The following PSMC2 variants were observed in gnomAD, a reference collection of about 807,000 sequenced individuals.
PSMC2 encodes proteasome 26S subunit, ATPase 2.
PSMC2 carries 7 observed loss-of-function variants against 53.3 expected under a neutral mutation model. The observed-to-expected ratio is 0.13, with a 90% CI of 0.07 to 0.25. The LOEUF (loss-of-function observed/expected upper bound fraction) is 0.25, where lower values mean the gene tolerates loss of function less well. Ranked by LOEUF, PSMC2 falls within the 10% of genes least tolerant of loss-of-function variation. PSMC2 has a pLI of 1.00. For synonymous variants in PSMC2, 169 were observed against 183.9 expected (o/e 0.92, Z 0.66); for missense variants, 241 against 544.0 (o/e 0.44, Z 5.54).
chr7:103,359,253 C>G (rs1032136141), intron 4 of PSMC2, among the ~76,000 whole-genome samples: 2 of 147,810 alleles, frequency 1.4e-5, no homozygotes, highest in South Asian at 4.3e-4. Context: ...CCACCTTGGC[C>G]TCCCAAAGTT....
At chr7:103,365,146 T>C (rs1192107207) in intron 8 of PSMC2, among the ~76,000 whole-genome samples, 4 of 151,894 alleles carry the variant, frequency 2.6e-5, no homozygotes, top group Non-Finnish European at 4.4e-5. Context: ...TTCCAAGTGA[T>C]AGATCAGATG....
chr7:103,352,933 C>A, intron 1 of PSMC2: 2 of 780,906 alleles, frequency 2.6e-6, no homozygotes, highest in Non-Finnish European at 4.8e-6. Context: ...AAAGCTGAAA[C>A]AAGAGGGTAG....
At chr7:103,354,414 GCT>G (rs1214891091) in intron 2 of PSMC2, among the ~76,000 whole-genome samples, 1 of 149,244 alleles carries the variant, frequency 6.7e-6, no homozygotes, top group African/African-American at 2.5e-5. Flanking sequence ...TGTCACCCAG[GCT>G]GGAGTGCAAT....
chr7:103,348,806 ACCCAATG>A, intron 1 of PSMC2: 1 of 764,968 alleles, frequency 1.3e-6, no homozygotes, highest in South Asian at 1.4e-5. Context: ...CAAGGCATCT[ACCCAATG>A]GAAAACCATG....
Position 103,368,167 on chromosome 7 carries a change from A to ATATC in PSMC2, c.*115_*118dup. ...GCTTCAAAATTGTATGCTTTTTTCC[A>ATATC]TATCTCTTCTTGTAATATAATAAAA... is the stretch of plus-strand genomic sequence containing the variant. On this transcript the variant is annotated 3_prime_UTR_variant, in exon 12 of 12. Transcript: ENST00000292644. 1.1e-6 allele frequency: 1 copy of ATATC among 911,936 alleles called. No homozygotes were observed. The highest frequency in any genetic ancestry group is 2.1e-5 in the South Asian group (1 of 48,592). The allele number at this position is 911,936 out of a possible 1,614,324, so 56.5% of individuals were successfully genotyped here.
chr7:103,356,943 T>C (rs1212050861), intron 4 of PSMC2, among the ~76,000 whole-genome samples: 2 of 152,216 alleles, frequency 1.3e-5, no homozygotes, highest in Admixed American at 6.5e-5. Flanking sequence ...TTATTTCCCA[T>C]CTACTCACCC....
At chr7:103,352,186 G>T in intron 1 of PSMC2, among the ~76,000 whole-genome samples, 1 of 107,990 alleles carries the variant, frequency 9.3e-6, no homozygotes. Flanking sequence ...ACCTAAGCAT[G>T]CTTTTTCCTA....
At chr7:103,347,853 G>C in intron 1 of PSMC2, 72 bp downstream of exon 1, 2 of 1,541,722 alleles carry the variant, frequency 1.3e-6, no homozygotes. Flanking sequence ...CTGGAGAGGA[G>C]CTGGATTCCC....
At chr7:103,360,941 G>A (rs571466818) in intron 4 of PSMC2, among the ~76,000 whole-genome samples, 3 of 151,560 alleles carry the variant, frequency 2.0e-5, no homozygotes, top group South Asian at 2.1e-4. Flanking sequence ...GTGAAACCCC[G>A]TATATATTAA....
At chr7:103,347,625 G>T (rs1040511868), upstream of PSMC2, 1 of 1,509,410 alleles carries the variant, frequency 6.6e-7, no homozygotes, top group Admixed American at 1.7e-5. Context: ...ATTTACTTCC[G>T]GTGGGGAAGG....
At chr7:103,365,620 ACT>A (rs780263654) in intron 8 of PSMC2, among the ~76,000 whole-genome samples, 4 of 148,574 alleles carry the variant, frequency 2.7e-5, no homozygotes, top group Non-Finnish European at 3.0e-5. Flanking sequence ...CAAGAGTGAA[ACT>A]CTGTCTCAAA....
At chr7:103,355,871 C>CAAT in intron 4 of PSMC2, 78 bp downstream of exon 4, 1 of 942,316 alleles carries the variant, frequency 1.1e-6, no homozygotes, top group South Asian at 1.9e-5. Flanking sequence ...AGGGATAATG[C>CAAT]AATAGTTCAT....
At chr7:103,356,919 G>A (rs1039298932) in intron 4 of PSMC2, among the ~76,000 whole-genome samples, 13 of 152,064 alleles carry the variant, frequency 8.5e-5, no homozygotes, top group African/African-American at 2.9e-4. Flanking sequence ...GTTCCTAAAA[G>A]CTAAAGATTA....
intron 1 of PSMC2, 91 bp from the exon 2 acceptor site, chr7:103,353,830 G>A: frequency 9.1e-7 from 1 of 1,096,316 alleles, no homozygotes. Flanking sequence ...AAAACAATTT[G>A]AATCGAACAG....
chr7:103,362,794 C>CAT, intron 6 of PSMC2, 36 bp downstream of exon 6: 2 of 839,780 alleles, frequency 2.4e-6, no homozygotes, highest in South Asian at 1.7e-5. Context: ...AAGGCTATGT[C>CAT]TTTTTTTTTT....
chr7:103,352,612 C>T (rs1362958499), intron 1 of PSMC2: 2 of 443,768 alleles, frequency 4.5e-6, no homozygotes, highest in South Asian at 2.2e-5. Context: ...GCCATGTGGT[C>T]CAGGCTGCTC....
rs1563484386 is a variant in PSMC2, at chr7:103,353,902, A to T, written c.71-19A>T. ...TCTAGTTTCTTTTTGAATCTCACGT[A>T]TTGTCTCTCTTCTTTCAGCTCTGGA... On this transcript the variant is annotated intron_variant, in intron 1 of 11. Transcript: ENST00000292644. The T allele has an allele frequency of 6.3e-7, 1 of 1,596,828 alleles. No individual in the cohort carries two copies. Among genetic ancestry groups the T allele is most frequent in the Non-Finnish European group, 8.6e-7 (1 of 1,168,830 alleles).
chr7:103,360,514 C>T (rs1001710658), intron 4 of PSMC2, among the ~76,000 whole-genome samples: 1 of 152,302 alleles, frequency 6.6e-6, no homozygotes, highest in Admixed American at 6.5e-5. Flanking sequence ...CAGCCTCAGC[C>T]TCCTCAGTAG....
At chr7:103,351,137 G>A (rs888679087) in intron 1 of PSMC2, among the ~76,000 whole-genome samples, 9 of 152,076 alleles carry the variant, frequency 5.9e-5, no homozygotes, top group African/African-American at 1.9e-4. Flanking sequence ...ATTTATCTCC[G>A]CCTTTTAGAA....
Sources: allele counts gnomAD v4.1 joint callset (sites outside exome capture counted in the v4.1 genomes callset), GRCh38; gene constraint gnomAD v4.1.1; transcripts MANE v1.5; gene names NCBI Gene and HGNC (gene_info 2026-07-23, HGNC 2026-07-21).